Variants in SPATA7 observed in about 807,000 individuals in gnomAD.
SPATA7 encodes spermatogenesis-associated protein 7.
SPATA7 carries 43 observed loss-of-function variants against 51.8 expected under a neutral mutation model. The observed-to-expected ratio is 0.83, with a 90% CI of 0.65 to 1.07. The LOEUF (loss-of-function observed/expected upper bound fraction) is 1.07, where lower values mean the gene tolerates loss of function less well. Ranked by LOEUF, SPATA7 falls within the 50% of genes least tolerant of loss-of-function variation. The pLI is 0.00. For synonymous variants in SPATA7, 230 were observed against 252.8 expected (o/e 0.91, Z 0.86); for missense variants, 683 against 701.3 (o/e 0.97, Z 0.30).
chr14:88,468,387 G>T, intron 4 of SPATA7: 1 of 956,620 alleles, frequency 1.0e-6, no homozygotes, highest in Non-Finnish European at 1.5e-6. Flanking sequence ...TTCCACCTTA[G>T]CGTCTTCTAG....
At chr14:88,415,591 C>T (rs1160318705) in intron 4 of SPATA7, among the ~76,000 whole-genome samples, 1 of 151,846 alleles carries the variant, frequency 6.6e-6, no homozygotes, top group East Asian at 1.9e-4. Context: ...ATTTAGACCA[C>T]TTACATTCAA....
At chr14:88,454,507 T>A (rs747169536) in intron 3 of SPATA7, among the ~76,000 whole-genome samples, 5 of 152,068 alleles carry the variant, frequency 3.3e-5, no homozygotes, top group Non-Finnish European at 5.9e-5. Context: ...TTAACCTAAT[T>A]AAAATGGCCT....
chr14:88,414,884 A>ATTTC (rs1566768049), intron 4 of SPATA7, among the ~76,000 whole-genome samples: 1 of 151,720 alleles, frequency 6.6e-6, no homozygotes. Flanking sequence ...CTTGGTATTG[A>ATTTC]TTTCTACCTT....
chr14:88,392,156 CAT>C (rs944727869), intron 2 of SPATA7, among the ~76,000 whole-genome samples: 14 of 151,656 alleles, frequency 9.2e-5, no homozygotes, highest in South Asian at 2.1e-4. Context: ...ATGTATGTAA[CAT>C]ATATATGTAT....
At chr14:88,441,794 T>C (rs1331543688), downstream of SPATA7, among the ~76,000 whole-genome samples, 1 of 152,184 alleles carries the variant, frequency 6.6e-6, no homozygotes, top group Non-Finnish European at 1.5e-5. Context: ...ACTCTGTGGG[T>C]TGTCTGTTTA....
intron 1 of SPATA7, 69 bp downstream of exon 1, chr14:88,385,906 T>C (rs1228015473): frequency 6.5e-7 from 1 of 1,546,196 alleles, no homozygotes. Flanking sequence ...CAGCCTCGGG[T>C]CCGGGCAGCT....
chr14:88,422,490 A>C (rs1246413747), intron 5 of SPATA7, among the ~76,000 whole-genome samples: 1 of 151,484 alleles, frequency 6.6e-6, no homozygotes, highest in African/African-American at 2.4e-5. Flanking sequence ...CATGAGTATA[A>C]ATTACTAATT....
chr14:88,391,815 A>G (rs1158295495), intron 2 of SPATA7: 1 of 266,280 alleles, frequency 3.8e-6, no homozygotes, highest in African/African-American at 2.3e-5. Flanking sequence ...TGCAGAGAAA[A>G]AGAGCACTTG....
intron 5 of SPATA7, among the ~76,000 whole-genome samples, chr14:88,420,780 AAGAT>A (rs2076619182): frequency 6.6e-6 from 1 of 152,108 alleles, no homozygotes; most frequent in Non-Finnish European, 1.5e-5. Flanking sequence ...ATATATCTAA[AAGAT>A]AGACTTTTAA....
chr14:88,451,537 T>C (rs1262584442), intron 3 of SPATA7, among the ~76,000 whole-genome samples: 2 of 150,690 alleles, frequency 1.3e-5, no homozygotes, highest in Non-Finnish European at 3.0e-5. Flanking sequence ...TTTTTTTTTT[T>C]TTTCTTTGAA....
chr14:88,421,526 A>G (rs888612122), intron 5 of SPATA7, among the ~76,000 whole-genome samples: 23 of 152,230 alleles, frequency 1.5e-4, no homozygotes, highest in Admixed American at 1.3e-4. Context: ...TCATACTGAC[A>G]CTACACAGAC....
chr14:88,409,859 T>C (rs1469649579), intron 4 of SPATA7, among the ~76,000 whole-genome samples: 4 of 152,238 alleles, frequency 2.6e-5, no homozygotes, highest in Non-Finnish European at 5.9e-5. Context: ...CCAGTAGTTA[T>C]TCAGGAGCAG....
At chr14:88,394,853 T>G (rs2075839705) in intron 3 of SPATA7, among the ~76,000 whole-genome samples, 1 of 152,150 alleles carries the variant, frequency 6.6e-6, no homozygotes, top group Non-Finnish European at 1.5e-5. Context: ...CTTCATAGTT[T>G]TAGTTTGCAT....
chr14:88,434,104 G>T (rs546845237), intron 10 of SPATA7, among the ~76,000 whole-genome samples: 56 of 152,050 alleles, frequency 3.7e-4, no homozygotes, highest in Non-Finnish European at 7.2e-4. Context: ...TGGTTAAGAT[G>T]ATAAGTTTGG....
chr14:88,420,239 C>T (rs956834437), intron 5 of SPATA7, among the ~76,000 whole-genome samples: 2 of 152,110 alleles, frequency 1.3e-5, no homozygotes, highest in African/African-American at 4.8e-5. Context: ...GTACAAACTC[C>T]CCAAGTCCTC....
At chr14:88,412,721 T>C (rs2076376705) in intron 4 of SPATA7, among the ~76,000 whole-genome samples, 1 of 152,204 alleles carries the variant, frequency 6.6e-6, no homozygotes. Flanking sequence ...AGATGCATAG[T>C]TTACAAATAT....
At chr14:88,409,588 C>A (rs143595888) in intron 4 of SPATA7, among the ~76,000 whole-genome samples, 5,366 of 151,656 alleles carry the variant, frequency 0.035, 311 homozygotes, top group African/African-American at 0.12. Flanking sequence ...TCTGTATCTC[C>A]TTCATTTCTG....
At chr14:88,467,436 CTCATT>C (rs1410611194) in intron 4 of SPATA7, 2 of 152,242 alleles carry the variant, frequency 1.3e-5, no homozygotes, top group East Asian at 3.9e-4. Context: ...CATTAACTGA[CTCATT>C]TCAGTATCTA....
At chr14:88,455,662 A>G (rs141928496), downstream of SPATA7, among the ~76,000 whole-genome samples, 1 of 151,302 alleles carries the variant, frequency 6.6e-6, no homozygotes, top group Non-Finnish European at 1.5e-5. Flanking sequence ...AGTAGCACAT[A>G]AAATTGCTTT....
Sources: gnomAD v4.1 joint callset for allele counts (sites outside exome capture counted in the v4.1 genomes callset) on GRCh38, gnomAD v4.1.1 for gene constraint, MANE v1.5 for transcripts, NCBI Gene and HGNC (gene_info 2026-07-23, HGNC 2026-07-21) for gene names.